Variants in CDH4 observed in about 807,000 individuals in gnomAD.
CDH4 encodes cadherin 4.
In CDH4, 33 loss-of-function variants were observed where a neutral mutation model predicts 86.0. The ratio of observed to expected loss-of-function variants is 0.38; its 90% CI spans 0.29 to 0.51. The LOEUF is 0.51. Ranked by LOEUF, CDH4 falls within the 20% of genes least tolerant of loss-of-function variation. The probability of loss-of-function intolerance (pLI) is 0.86; values close to 1 mark genes in which losing one functional copy is unlikely to be tolerated. For missense variants in CDH4, 1,114 were observed against 1,307.4 expected (o/e 0.85, Z 2.28); for synonymous variants, 555 against 549.4 (o/e 1.01, Z -0.14).
intron 2 of CDH4, among the ~76,000 whole-genome samples, chr20:61,328,307 C>T (rs2084547552): frequency 6.6e-6 from 1 of 152,124 alleles, no homozygotes; most frequent in East Asian, 1.9e-4. Flanking sequence ...TCCCGAGTAG[C>T]TAGGACTGCA....
intron 2 of CDH4, among the ~76,000 whole-genome samples, chr20:61,381,101 G>A (rs2084898114): frequency 6.6e-6 from 1 of 152,190 alleles, no homozygotes; most frequent in Admixed American, 6.5e-5. Flanking sequence ...TTAAATTTGG[G>A]AGAAGGAAGA....
intron 2 of CDH4, among the ~76,000 whole-genome samples, chr20:61,554,052 G>A (rs2086155495): frequency 6.6e-6 from 1 of 152,222 alleles, no homozygotes; most frequent in African/African-American, 2.4e-5. Flanking sequence ...CCCCAGGGCA[G>A]GGGCAGGTTC....
chr20:61,772,804 G>A (rs1174954165), intron 3 of CDH4, among the ~76,000 whole-genome samples, 199 bp from the exon 4 acceptor site: 1 of 151,986 alleles, frequency 6.6e-6, no homozygotes, highest in Non-Finnish European at 1.5e-5. Flanking sequence ...TATTGATGGG[G>A]GTCTCACTTG....
At chr20:61,704,003 G>T (rs2087804072) in intron 2 of CDH4, among the ~76,000 whole-genome samples, 1 of 152,044 alleles carries the variant, frequency 6.6e-6, no homozygotes, top group African/African-American at 2.4e-5. Context: ...GGCCGGGCAG[G>T]TGGCTGTGCC....
chr20:61,607,584 AAGG>A (rs892178744), intron 2 of CDH4, among the ~76,000 whole-genome samples: 9 of 152,336 alleles, frequency 5.9e-5, no homozygotes, highest in African/African-American at 2.2e-4. Context: ...ATCTCTTTTT[AAGG>A]AGTTTTTCCG....
chr20:61,487,941 G>A (rs1454808890), intron 2 of CDH4, among the ~76,000 whole-genome samples: 1 of 152,208 alleles, frequency 6.6e-6, no homozygotes, highest in Non-Finnish European at 1.5e-5. Flanking sequence ...GAGCATCTAA[G>A]CAATGTCTTA....
Position 61,684,825 on chromosome 20 carries a change from C to G in CDH4, c.170-58738C>G, listed in dbSNP as rs1474825163. ...CCTCGATGTGGGTGAGGTTTCTAAACTGCTCCTGAAGCTTCAAACACACAA... is the reference window on the plus strand; with the variant it reads ...CCTCGATGTGGGTGAGGTTTCTAAAGTGCTCCTGAAGCTTCAAACACACAA... On this transcript the variant is annotated intron_variant, in intron 2 of 15. Coordinates refer to ENST00000614565, the MANE Select transcript of CDH4 (RefSeq NM_001794.5). This position sits in a 1 kb window ranked among gnomAD's most constrained non-coding sequence, Gnocchi z 4.5. Among the ~76,000 whole-genome samples, 1 of 152,202 alleles carries G rather than the reference C, an allele frequency of 6.6e-6. No homozygotes were observed. Among genetic ancestry groups the G allele is most frequent in the Non-Finnish European group, 1.5e-5 (1 of 68,040 alleles).
intron 2 of CDH4, among the ~76,000 whole-genome samples, chr20:61,668,524 G>C (rs2087352061): frequency 6.6e-6 from 1 of 152,238 alleles, no homozygotes; most frequent in Non-Finnish European, 1.5e-5. Context: ...TGTGCATGCT[G>C]TGGAGTCTGA....
rs529445128 is a variant in CDH4 at position 61,507,671 on chromosome 20, G to A, written c.170-235892G>A. On this transcript the variant is annotated intron_variant, in intron 2 of 15. Coordinates refer to ENST00000614565, the MANE Select transcript of CDH4 (RefSeq NM_001794.5). ...AAAAATGAGGAAAATCTGAGCAACC[G>A]TCACAGCCAAGAGGTGTTTAAGGAC... 2.2e-3 allele frequency among the ~76,000 whole-genome samples: 339 copies of A among 152,262 alleles called. 2 individuals carry two copies. The highest frequency in any genetic ancestry group is 7.8e-3 in the African/African-American group (324 of 41,546).
At position 61,936,864 on chromosome 20, in the gene CDH4, A is replaced by G. The variant is rs1269729630; in HGVS notation, c.2672A>G (p.Gln891Arg). The G allele has an allele frequency of 3.1e-6, 5 of 1,608,638 alleles. No homozygotes were observed. Among genetic ancestry groups the G allele is most frequent in the Non-Finnish European group, 4.2e-6 (5 of 1,178,214 alleles). Residue 891 changes from glutamine to arginine, a missense_variant, in exon 16 of 16, where the codon CAA (glutamine) becomes CGA (arginine). By Grantham distance (43) the Gln-to-Arg change is conservative. Around this residue, in one of 3 missense-constraint regions of CDH4, gnomAD observed 188 missense variants for 183.8 expected, o/e 1.02. Coordinates refer to ENST00000614565, the MANE Select transcript of CDH4 (RefSeq NM_001794.5). ...CTGAACTCATCCAGTTCCGGGGACC[A>G]AGACTACGATTACCTCAACGACTGG... is the stretch of plus-strand genomic sequence containing the variant. ...SSLNSSSSGD[Q>R]DYDYLNDWGP...
chr20:61,808,341 A>AAAATAAAT (rs534974250), intron 4 of CDH4, among the ~76,000 whole-genome samples: 13 of 151,860 alleles, frequency 8.6e-5, no homozygotes, highest in South Asian at 2.1e-4. Flanking sequence ...ACCAGCTGCA[A>AAAATAAAT]AAATAAATAA....
chr20:61,589,713 C>T (rs2086503344), intron 2 of CDH4, among the ~76,000 whole-genome samples: 1 of 151,916 alleles, frequency 6.6e-6, no homozygotes, highest in Non-Finnish European at 1.5e-5. Context: ...CCCATTAACT[C>T]GTCATTTAGC....
At chr20:61,492,982 C>A (rs914682491) in intron 2 of CDH4, among the ~76,000 whole-genome samples, 3 of 152,152 alleles carry the variant, frequency 2.0e-5, no homozygotes, top group African/African-American at 7.2e-5. Context: ...AGCTGTCGTG[C>A]CTGTCAGCCT....
intron 7 of CDH4, among the ~76,000 whole-genome samples, chr20:61,877,616 C>T (rs1054783499): frequency 6.6e-6 from 1 of 152,096 alleles, no homozygotes; most frequent in Non-Finnish European, 1.5e-5. Flanking sequence ...CTGGAGAGGG[C>T]GGTCCCGTGT....
At chr20:61,515,856 C>T (rs1192043773) in intron 2 of CDH4, among the ~76,000 whole-genome samples, 1 of 152,158 alleles carries the variant, frequency 6.6e-6, no homozygotes, top group East Asian at 1.9e-4. Flanking sequence ...TGTTCTCTCG[C>T]TCTTTCTCAT....
intron 2 of CDH4, among the ~76,000 whole-genome samples, chr20:61,601,333 C>A (rs2086598931): frequency 6.6e-6 from 1 of 152,178 alleles, no homozygotes; most frequent in Non-Finnish European, 1.5e-5. Flanking sequence ...TCCCCCCAGG[C>A]CCCACCTCCA....
intron 7 of CDH4, among the ~76,000 whole-genome samples, chr20:61,885,533 G>A (rs571029429): frequency 1.5e-3 from 225 of 152,274 alleles, no homozygotes; most frequent in African/African-American, 5.1e-3. Flanking sequence ...TCCATTCATC[G>A]CTCAATGGAC....
chr20:61,351,345 T>C (rs562189628), intron 2 of CDH4, among the ~76,000 whole-genome samples: 3 of 152,366 alleles, frequency 2.0e-5, no homozygotes, highest in Admixed American at 6.5e-5. Flanking sequence ...ATTTCAAGTC[T>C]ATGCGAGGGG....
chr20:61,743,774 G>C lies in CDH4; in HGVS notation c.381G>C (p.Pro127=). 6.2e-7 allele frequency: 1 copy of C among 1,601,074 alleles called. No individual in the cohort carries two copies. Among genetic ancestry groups the C allele is most frequent in the Non-Finnish European group, 8.5e-7 (1 of 1,174,174 alleles). The change falls in exon 3 of 16, where the codon CCG becomes CCC. Residue 127 remains proline (P), a synonymous_variant. Coordinates refer to ENST00000614565, the MANE Select transcript of CDH4 (RefSeq NM_001794.5). ...TGCTGGTGGCCCAGACCTCGTCCCC[G>C]CACTCTGGACACAAGGTAAGGTGTG... is the stretch of plus-strand genomic sequence containing the variant. ...VRLLVAQTSS[P]HSGHKPQKGK...
Sources: gnomAD v4.1 joint callset for allele counts (sites outside exome capture counted in the v4.1 genomes callset) on GRCh38, gnomAD v4.1.1 for gene constraint, gnomAD v4.1.1 regional missense constraint, Gnocchi (gnomAD v3.1) non-coding constraint, MANE v1.5 for transcripts, NCBI Gene and HGNC (gene_info 2026-07-23, HGNC 2026-07-21) for gene names.